OR5P3: variants seen among roughly 807,000 people sequenced by gnomAD.
OR5P3 encodes olfactory receptor 5P3.
For synonymous variants in OR5P3, 172 were observed against 141.8 expected (o/e 1.21, Z -1.51); for missense variants, 415 against 375.6 (o/e 1.10, Z -0.87).
chr11:7,824,966 A>G lies in OR5P3; in HGVS notation c.*71T>C. The G allele has an allele frequency of 7.9e-7, 1 of 1,258,416 alleles. No homozygotes were observed. The highest frequency in any genetic ancestry group is 1.1e-6 in the Non-Finnish European group (1 of 936,074). 78.0% of individuals were successfully genotyped at this position (1,258,416 alleles called of 1,614,324 possible). ...TATGGACAGATAAATTTTGACCACA[A>G]ACACTCGGTGTCTTATTATTATTAT... On this transcript the variant is annotated 3_prime_UTR_variant, in exon 2 of 2. Transcript: ENST00000641167.
At position 7,826,013 on chromosome 11, in the gene OR5P3, ATAT is replaced by A. The variant is rs1393131691; in HGVS notation, c.-21-23_-21-21del. On this transcript the variant is annotated intron_variant, in intron 1 of 1. Transcript: ENST00000641167. ...TGCCAACTGAAAGAAAAACAAATGA[ATAT>A]TATAATGGGATTAAATGCTATAATT... The A allele has an allele frequency of 7.4e-6, 8 of 1,077,210 alleles. No homozygotes were observed. Among genetic ancestry groups the A allele is most frequent in the Non-Finnish European group, 1.1e-5 (8 of 733,034 alleles). The allele number at this position is 1,077,210 out of a possible 1,614,324, so 66.7% of individuals were successfully genotyped here.
chr11:7,827,838 A>T (rs1012231536), intron 1 of OR5P3, among the ~76,000 whole-genome samples: 2 of 152,184 alleles, frequency 1.3e-5, no homozygotes, highest in Non-Finnish European at 2.9e-5. Context: ...AGAAACTAAG[A>T]AGCCAAAATG....
rs759057496 is a variant in OR5P3, at chr11:7,825,312, T to C, written c.661A>G (p.Ile221Val). 3 of 1,613,134 alleles carry C rather than the reference T, an allele frequency of 1.9e-6. No homozygotes were observed. The highest frequency in any genetic ancestry group is 2.5e-6 in the Non-Finnish European group (3 of 1,180,012). Reference protein sequence around the residue: ...VCVIAISYIYILITILKMHST... With the variant: ...VCVIAISYIYVLITILKMHST... ...TGCATCTTCAGGATGGTGATGAGGA[T>C]ATAGATGTAGGATATGGCTATGACA... The change falls in exon 2 of 2, where the codon ATC becomes GTC. Residue 221 changes from isoleucine to valine, a missense_variant. Transcript: ENST00000641167.
At position 7,825,251 on chromosome 11, in the gene OR5P3, C is replaced by G; in HGVS notation, c.722G>C (p.Cys241Ser). The change falls in exon 2 of 2, where the codon TGC (cysteine) becomes TCC (serine). Residue 241 changes from cysteine (C) to serine (S), a missense_variant. Cys to Ser is a moderately radical substitution (Grantham distance 112). Coordinates refer to ENST00000641167, the MANE Select transcript of OR5P3 (RefSeq NM_153445.2). ...TKGRHKAFSTCTSHLTAVTLF... is the reference protein window; with the variant it reads ...TKGRHKAFSTSTSHLTAVTLF... ...AGTGACTGCAGTGAGGTGGGAGGTG[C>G]AGGTGGAGAAGGCCTTGTGGCGGCC... The G allele has an allele frequency of 6.2e-7, 1 of 1,612,884 alleles. No homozygotes were observed. The highest frequency in any genetic ancestry group is 8.5e-7 in the Non-Finnish European group (1 of 1,180,008).
rs202129945 is a variant in OR5P3, at chr11:7,825,614, T to C, written c.359A>G (p.Tyr120Cys). ...AECFLLAAMA[Y>C]DRYVAICSPL... ...TGAGCAGATGGCCACATAGCGATCA[T>C]AGGCCATGGCAGCCAGCAGGAAGCA... Residue 120 changes from tyrosine (Y) to cysteine (C), a missense_variant, in exon 2 of 2, where the codon TAT becomes TGT. Physicochemically the swap from Tyr to Cys is radical, Grantham distance 194 (BLOSUM62 -2). Transcript: ENST00000641167. The C allele has an allele frequency of 3.0e-5, 48 of 1,612,918 alleles. No individual in the cohort carries two copies. Among genetic ancestry groups the C allele is most frequent in the Non-Finnish European group, 3.9e-5 (46 of 1,180,028 alleles).
chr11:7,828,301 C>T (rs1250102146), intron 1 of OR5P3, among the ~76,000 whole-genome samples: 1 of 152,036 alleles, frequency 6.6e-6, no homozygotes, highest in East Asian at 1.9e-4. Context: ...CAGAAGGGCA[C>T]AGGAAAAAGG....
Position 7,825,782 on chromosome 11 carries a change from C to T in OR5P3, c.191G>A (p.Cys64Tyr), listed in dbSNP as rs774154347. 2.5e-6 allele frequency: 4 copies of T among 1,613,146 alleles called. No homozygotes were observed. The South Asian group carries it at 4.4e-5, about 18-fold the overall frequency. The change falls in exon 2 of 2, where the codon TGC becomes TAC. Residue 64 changes from cysteine (C) to tyrosine (Y), a missense_variant. Cys to Tyr is a radical substitution (Grantham distance 194). Coordinates refer to ENST00000641167, the MANE Select transcript of OR5P3 (RefSeq NM_153445.2). ...HLHTPMYIFLCHLAFVDIGYS... is the reference protein window; with the variant it reads ...HLHTPMYIFLYHLAFVDIGYS... ...CCCAATGTCTACAAAGGCCAAATGG[C>T]AGAGGAAAATGTACATGGGTGTATG...
At chr11:7,827,053 A>G (rs943342937) in intron 1 of OR5P3, among the ~76,000 whole-genome samples, 2 of 152,228 alleles carry the variant, frequency 1.3e-5, no homozygotes, top group Non-Finnish European at 2.9e-5. Context: ...GAGATCTAAA[A>G]AAGATAGATA....
At position 7,826,010 on chromosome 11, in the gene OR5P3, T is replaced by C; in HGVS notation, c.-21-17A>G. On this transcript the variant is annotated splice_polypyrimidine_tract_variant and intron_variant, in intron 1 of 1. Transcript: ENST00000641167. ...TGGTGCCAACTGAAAGAAAAACAAA[T>C]GAATATTATAATGGGATTAAATGCT... is the stretch of plus-strand genomic sequence containing the variant. 1.8e-6 allele frequency: 2 copies of C among 1,104,122 alleles called. No homozygotes were observed. Among genetic ancestry groups the C allele is most frequent in the South Asian group, 1.5e-5 (1 of 66,638 alleles). 68.4% of individuals were successfully genotyped at this position (1,104,122 alleles called of 1,614,324 possible).
chr11:7,826,531 G>A (rs1344389026), intron 1 of OR5P3, among the ~76,000 whole-genome samples: 1 of 152,212 alleles, frequency 6.6e-6, no homozygotes, highest in East Asian at 1.9e-4. Flanking sequence ...ACACTGAGCT[G>A]TGGTCCCCAC....
rs185547075 is a variant in OR5P3, at chr11:7,827,083, A to G, written c.-21-1090T>C. The stretch of plus-strand genomic sequence containing the variant: ...TAGATAATACACACCATTGTCCAAC[A>G]TAACTTTAGATCAAATGGCTTTCTG... On this transcript the variant is annotated intron_variant, in intron 1 of 1. Coordinates refer to ENST00000641167, the MANE Select transcript of OR5P3 (RefSeq NM_153445.2). Among the ~76,000 whole-genome samples the G allele has an allele frequency of 6.6e-5, 10 of 152,320 alleles. No individual in the cohort carries two copies. In the East Asian group the frequency reaches 1.5e-3, roughly 23 times the overall value.
intron 1 of OR5P3, among the ~76,000 whole-genome samples, chr11:7,829,017 TGAA>T (rs1469934477): frequency 1.3e-5 from 2 of 152,108 alleles, no homozygotes; most frequent in Non-Finnish European, 2.9e-5. Context: ...TTGATTTTTA[TGAA>T]GGAGAGAAAA....
At chr11:7,827,767 C>T (rs1857761059) in intron 1 of OR5P3, among the ~76,000 whole-genome samples, 2 of 152,136 alleles carry the variant, frequency 1.3e-5, no homozygotes, top group African/African-American at 2.4e-5. Context: ...AATGTCTAAA[C>T]TCTAACAACG....
chr11:7,826,372 A>G (rs1007354467), intron 1 of OR5P3, among the ~76,000 whole-genome samples: 1 of 152,188 alleles, frequency 6.6e-6, no homozygotes, highest in Non-Finnish European at 1.5e-5. Flanking sequence ...ACCAAGACTC[A>G]TGGAAAAGAA....
chr11:7,830,595 G>A (rs1020347502), intron 1 of OR5P3, among the ~76,000 whole-genome samples: 4 of 152,096 alleles, frequency 2.6e-5, no homozygotes, highest in African/African-American at 9.7e-5. Flanking sequence ...TGGAATCTTG[G>A]AAATTTTACA....
chr11:7,830,038 TCAA>T (rs1246453427), intron 1 of OR5P3, among the ~76,000 whole-genome samples: 2 of 152,208 alleles, frequency 1.3e-5, no homozygotes, highest in Non-Finnish European at 1.5e-5. Context: ...TTATTGCTCC[TCAA>T]CAATAGCAAC....
At position 7,825,245 on chromosome 11, in the gene OR5P3, G is replaced by A. The variant is rs1317993989; in HGVS notation, c.728C>T (p.Ser243Phe). The change falls in exon 2 of 2, where the codon TCC becomes TTC. Residue 243 changes from serine (S) to phenylalanine (F), a missense_variant. By Grantham distance (155) the Ser-to-Phe change is radical. Coordinates refer to ENST00000641167, the MANE Select transcript of OR5P3 (RefSeq NM_153445.2). ...GAACAGAGTGACTGCAGTGAGGTGG[G>A]AGGTGCAGGTGGAGAAGGCCTTGTG... Reference protein sequence around the residue: ...GRHKAFSTCTSHLTAVTLFYG... With the variant: ...GRHKAFSTCTFHLTAVTLFYG... 10 of 1,612,968 alleles carry A rather than the reference G, an allele frequency of 6.2e-6. No individual in the cohort carries two copies. The highest frequency in any genetic ancestry group is 5.5e-5 in the South Asian group (5 of 91,084).
chr11:7,825,650 C>A lies in OR5P3; in HGVS notation c.323G>T (p.Gly108Val). 6.2e-7 allele frequency: 1 copy of A among 1,613,046 alleles called. No individual in the cohort carries two copies. Among genetic ancestry groups the A allele is most frequent in the Non-Finnish European group, 8.5e-7 (1 of 1,180,016 alleles). The change falls in exon 2 of 2, where the codon GGT (glycine) becomes GTT (valine). Residue 108 changes from glycine (G) to valine (V), a missense_variant. Gly to Val is a moderately radical substitution (Grantham distance 109, BLOSUM62 -3). Coordinates refer to ENST00000641167, the MANE Select transcript of OR5P3 (RefSeq NM_153445.2). ...VAQLCSVVTF[G>V]TAECFLLAAM... ...AGCCAGCAGGAAGCACTCGGCCGTA[C>A]CAAACGTCACTACAGAACAGAGCTG...
Position 7,825,187 on chromosome 11 carries a change from G to A in OR5P3, c.786C>T (p.Pro262=). ...TCTGGTCAGTTGAGTAGCTGGACTT[G>A]GGCATCACATAAATGAAGGTAATGG... ...YGTITFIYVM[P]KSSYSTDQNK... is the part of the protein sequence containing the mutation. The change falls in exon 2 of 2, where the codon CCC becomes CCT. Residue 262 remains proline (P), a synonymous_variant. Transcript: ENST00000641167. 1 of 1,610,006 alleles carries A rather than the reference G, an allele frequency of 6.2e-7. No individual in the cohort carries two copies. Among genetic ancestry groups the A allele is most frequent in the Non-Finnish European group, 8.5e-7 (1 of 1,180,006 alleles).
Sources: gnomAD v4.1 joint callset for allele counts (sites outside exome capture counted in the v4.1 genomes callset) on GRCh38, gnomAD v4.1.1 for gene constraint, MANE v1.5 for transcripts, NCBI Gene and HGNC (gene_info 2026-07-23, HGNC 2026-07-21) for gene names.